CSMD1: variants seen among roughly 807,000 people sequenced by gnomAD.
The protein encoded by CSMD1 is CUB and Sushi multiple domains 1.
CSMD1 carries 213 observed loss-of-function variants against 417.5 expected under a neutral mutation model. The ratio of observed to expected loss-of-function variants is 0.51; its 90% CI spans 0.46 to 0.57. The LOEUF is 0.57. CSMD1 is among the 20% of genes least tolerant of loss of function. The pLI is 0.00. For missense variants in CSMD1, 6,923 were observed against 4,529.7 expected (o/e 1.53, Z -15.17); for synonymous variants, 2,862 against 1,736.8 (o/e 1.65, Z -16.11).
intron 69 of CSMD1, among the ~76,000 whole-genome samples, chr8:2,941,744 T>C (rs1253150386): frequency 6.6e-6 from 1 of 152,220 alleles, no homozygotes; most frequent in African/African-American, 2.4e-5. Context: ...GCTTACTACA[T>C]ATAAAGAGCT....
chr8:3,126,321 A>G (rs1257240698), intron 41 of CSMD1, among the ~76,000 whole-genome samples: 1 of 152,214 alleles, frequency 6.6e-6, no homozygotes, highest in African/African-American at 2.4e-5. Flanking sequence ...ATTTCTCATT[A>G]ATCAAGGCAA....
rs368376700 is a variant in CSMD1 at position 4,276,731 on chromosome 8, A to G, written c.415+143222T>C. On this transcript the variant is annotated intron_variant, in intron 3 of 69. Transcript: ENST00000635120. ...GATCCCAATTTTAATAAATAAAAGG[A>G]AATGTATATGTGTTTTGATGTTTCT... Among the ~76,000 whole-genome samples, 70 of 152,348 alleles carry G rather than the reference A, an allele frequency of 4.6e-4. 1 individual carries two copies. In the East Asian group the frequency reaches 0.012, roughly 27 times the overall value.
intron 2 of CSMD1, among the ~76,000 whole-genome samples, chr8:4,426,820 T>C (rs574795895): frequency 6.0e-5 from 9 of 150,478 alleles, no homozygotes; most frequent in African/African-American, 2.2e-4. Context: ...TAATATTACA[T>C]GATACATAGT....
rs112228285 is a variant in CSMD1, at chr8:3,331,863, G to T, written c.3631+11431C>A. On this transcript the variant is annotated intron_variant, in intron 23 of 69. Coordinates refer to ENST00000635120, the MANE Select transcript of CSMD1 (RefSeq NM_033225.6). ...TTCATTTCAATGTACAACTTTTCTG[G>T]CCTATGTAAGAGTAGAGTGTCCTGT... 3.0e-3 allele frequency among the ~76,000 whole-genome samples: 453 copies of T among 152,200 alleles called. 1 individual carries two copies. The highest frequency in any genetic ancestry group is 5.5e-3 in the Non-Finnish European group (371 of 68,016).
intron 11 of CSMD1, among the ~76,000 whole-genome samples, chr8:3,489,571 A>G (rs894713861): frequency 6.6e-6 from 1 of 152,320 alleles, no homozygotes; most frequent in South Asian, 2.1e-4. Flanking sequence ...TTGCAAAGAA[A>G]GTTACTTAAC....
At chr8:3,774,560 C>G (rs1798798075) in intron 5 of CSMD1, among the ~76,000 whole-genome samples, 3 of 152,140 alleles carry the variant, frequency 2.0e-5, no homozygotes, top group Admixed American at 2.0e-4. Flanking sequence ...CCTTAGTGGA[C>G]AGAACGTCAT....
intron 26 of CSMD1, among the ~76,000 whole-genome samples, chr8:3,241,571 T>C (rs908250398): frequency 2.6e-5 from 4 of 151,788 alleles, no homozygotes; most frequent in Non-Finnish European, 5.9e-5. Flanking sequence ...GCCAGGTGAG[T>C]TGAACAGTCT....
chr8:3,730,671 A>G (rs1802792485), intron 6 of CSMD1, among the ~76,000 whole-genome samples: 1 of 152,134 alleles, frequency 6.6e-6, no homozygotes, highest in Non-Finnish European at 1.5e-5. Context: ...CTTCACCAGC[A>G]TTTACTAACC....
intron 9 of CSMD1, among the ~76,000 whole-genome samples, chr8:3,581,442 C>G (rs564118981): frequency 1.2e-4 from 19 of 152,324 alleles, no homozygotes; most frequent in Admixed American, 5.2e-4. Context: ...GTTCTCAGAG[C>G]TAATTAGCTA....
chr8:3,469,905 T>A (rs1816989614), intron 11 of CSMD1, among the ~76,000 whole-genome samples: 1 of 152,258 alleles, frequency 6.6e-6, no homozygotes, highest in Non-Finnish European at 1.5e-5. Flanking sequence ...TTTGTCTTCG[T>A]TGGCAACATT....
chr8:4,581,160 C>A (rs563418121), intron 2 of CSMD1, among the ~76,000 whole-genome samples: 38 of 152,246 alleles, frequency 2.5e-4, no homozygotes, highest in African/African-American at 8.7e-4. Context: ...CATCTATGAA[C>A]ACAAATTTCT....
At chr8:3,360,114 T>C (rs1489750452) in intron 20 of CSMD1, among the ~76,000 whole-genome samples, 11 of 152,216 alleles carry the variant, frequency 7.2e-5, no homozygotes, top group East Asian at 1.9e-4. Flanking sequence ...CTCTAGAATA[T>C]ACCTCAGTGA....
At chr8:3,675,943 G>C (rs1461281537) in intron 7 of CSMD1, among the ~76,000 whole-genome samples, 1 of 152,112 alleles carries the variant, frequency 6.6e-6, no homozygotes, top group East Asian at 1.9e-4. Flanking sequence ...ATGTACCTGA[G>C]TATTATTTTC....
In CSMD1 at chr8:3,925,589, G is replaced by C. The variant is rs1196908320; in HGVS notation, c.818+72314C>G. ...TGAGGTAACTGAATCGTGGAGACCA[G>C]TCTTTCCCCTACTATTCTCGCAACA... On this transcript the variant is annotated intron_variant, in intron 5 of 69. Coordinates refer to ENST00000635120, the MANE Select transcript of CSMD1 (RefSeq NM_033225.6). 3.3e-5 allele frequency among the ~76,000 whole-genome samples: 5 copies of C among 152,096 alleles called. No homozygotes were observed. The South Asian group carries it at 8.3e-4, about 25-fold the overall frequency.
chr8:3,986,027 A>G (rs534065932), intron 5 of CSMD1, among the ~76,000 whole-genome samples: 2 of 151,718 alleles, frequency 1.3e-5, no homozygotes, highest in Admixed American at 1.3e-4. Context: ...TCTCTTTGCT[A>G]TCTCAAAGCC....
intron 1 of CSMD1, among the ~76,000 whole-genome samples, chr8:4,770,232 C>T (rs918171620): frequency 6.7e-6 from 1 of 148,156 alleles, no homozygotes; most frequent in Admixed American, 6.8e-5. Flanking sequence ...TTCCTATATA[C>T]ATATTCATAT....
At chr8:4,612,358 A>C (rs1369520355) in intron 2 of CSMD1, among the ~76,000 whole-genome samples, 3 of 152,058 alleles carry the variant, frequency 2.0e-5, no homozygotes, top group Non-Finnish European at 2.9e-5. Context: ...ATTGAAAAAA[A>C]ACAAGAGGAA....
At chr8:4,316,352 A>G (rs898009337) in intron 3 of CSMD1, among the ~76,000 whole-genome samples, 3 of 152,084 alleles carry the variant, frequency 2.0e-5, no homozygotes, top group African/African-American at 7.2e-5. Flanking sequence ...TTCTTAGGTT[A>G]TGGTCTTATA....
chr8:3,027,048 G>A (rs188802456), intron 51 of CSMD1, among the ~76,000 whole-genome samples: 57 of 152,056 alleles, frequency 3.7e-4, no homozygotes, highest in South Asian at 1.2e-3. Context: ...CATCTAAGAC[G>A]GCAAACCTAT....
Sources: gnomAD v4.1 joint callset for allele counts (sites outside exome capture counted in the v4.1 genomes callset) on GRCh38, gnomAD v4.1.1 for gene constraint, MANE v1.5 for transcripts, NCBI Gene and HGNC (gene_info 2026-07-23, HGNC 2026-07-21) for gene names.